Variants in DOCK3 observed in about 807,000 individuals in gnomAD.
DOCK3 encodes the protein dedicator of cytokinesis 3.
In DOCK3, 60 loss-of-function variants were observed where a neutral mutation model predicts 265.6. The ratio of observed to expected loss-of-function variants is 0.23; its 90% CI spans 0.18 to 0.28. The LOEUF (loss-of-function observed/expected upper bound fraction) is 0.28, where lower values mean the gene tolerates loss of function less well. Ranked by LOEUF, DOCK3 falls within the 10% of genes least tolerant of loss-of-function variation. DOCK3 has a pLI of 1.00. For missense variants in DOCK3, 1,981 were observed against 2,594.3 expected, an observed-to-expected ratio of 0.76 and a Z score of 5.14; for synonymous variants, 881 against 938.0, an observed-to-expected ratio of 0.94 and a Z score of 1.11.
intron 22 of DOCK3, among the ~76,000 whole-genome samples, chr3:51,248,980 G>C (rs1273832655): frequency 2.0e-5 from 3 of 149,762 alleles, no homozygotes; most frequent in Non-Finnish European, 4.5e-5. Context: ...GAGAAGTGAG[G>C]AGCCTCTCCG....
At chr3:51,274,558 G>T (rs761647294) in intron 24 of DOCK3, among the ~76,000 whole-genome samples, 1 of 152,062 alleles carries the variant, frequency 6.6e-6, no homozygotes, top group Non-Finnish European at 1.5e-5. Flanking sequence ...AGGGAGGATC[G>T]CTTGAGCCCA....
chr3:50,884,754 T>A lies in DOCK3; in HGVS notation c.163-5272T>A, dbSNP rs1332290658. Among the ~76,000 whole-genome samples the A allele has an allele frequency of 5.3e-5, 8 of 152,126 alleles. No individual in the cohort carries two copies. The East Asian group carries it at 1.4e-3, about 26-fold the overall frequency. On this transcript the variant is annotated intron_variant, in intron 3 of 52. Coordinates refer to ENST00000266037, the MANE Select transcript of DOCK3 (RefSeq NM_004947.5). ...ACATTTCAAATTAGACTTTTTTTTT[T>A]AAAGAGTTTTAGGTTTCCAAAAACA...
chr3:51,179,504 C>T (rs1439568245), intron 12 of DOCK3, among the ~76,000 whole-genome samples: 1 of 152,142 alleles, frequency 6.6e-6, no homozygotes, highest in Non-Finnish European at 1.5e-5. Flanking sequence ...TATCATAGAT[C>T]TCCCTAGCTG....
chr3:51,318,148 G>A (rs1237535276), intron 32 of DOCK3, among the ~76,000 whole-genome samples: 2 of 152,138 alleles, frequency 1.3e-5, no homozygotes, highest in Non-Finnish European at 2.9e-5. Flanking sequence ...GGAGGCCAAG[G>A]CAGGTGGAAC....
intron 21 of DOCK3, among the ~76,000 whole-genome samples, chr3:51,245,390 CT>C (rs71084137): frequency 0.68 from 71,878 of 106,444 alleles, 22,565 homozygotes; most frequent in Middle Eastern, 0.79. Flanking sequence ...CATTTTCTTT[CT>C]TTTTTTTTTT....
chr3:51,028,041 T>C (rs2079893590), intron 5 of DOCK3, among the ~76,000 whole-genome samples: 1 of 152,224 alleles, frequency 6.6e-6, no homozygotes, highest in Non-Finnish European at 1.5e-5. Context: ...GTGGGTTTTG[T>C]ACCTTTTTGT....
chr3:50,895,381 GTTC>G (rs1228089925), intron 4 of DOCK3, among the ~76,000 whole-genome samples: 10 of 150,582 alleles, frequency 6.6e-5, no homozygotes, highest in Non-Finnish European at 1.0e-4. Flanking sequence ...TTCATTAGCT[GTTC>G]TTCTTCTTCT....
chr3:50,869,972 G>A (rs981375479), intron 3 of DOCK3, among the ~76,000 whole-genome samples: 3 of 151,932 alleles, frequency 2.0e-5, no homozygotes, highest in Non-Finnish European at 4.4e-5. Flanking sequence ...ATTCCATTGT[G>A]GTCAAAGAAG....
chr3:50,784,174 T>C (rs1229728045), intron 2 of DOCK3, among the ~76,000 whole-genome samples: 1 of 152,160 alleles, frequency 6.6e-6, no homozygotes, highest in Non-Finnish European at 1.5e-5. Flanking sequence ...ATCCTTGAGT[T>C]GATTTTTGTA....
chr3:51,021,076 C>T (rs760455816), intron 5 of DOCK3, among the ~76,000 whole-genome samples: 9 of 151,956 alleles, frequency 5.9e-5, no homozygotes, highest in Admixed American at 1.3e-4. Flanking sequence ...GCCATTTTCA[C>T]GATATTGATT....
intron 1 of DOCK3, among the ~76,000 whole-genome samples, chr3:50,775,209 A>G (rs1439053698): frequency 1.3e-5 from 2 of 152,000 alleles, no homozygotes; most frequent in African/African-American, 4.8e-5. Flanking sequence ...TATTTTTTTC[A>G]GATGTTTCGA....
In DOCK3 at chr3:51,291,532, A is replaced by G. The variant is rs147620108; in HGVS notation, c.2922+11328A>G. On this transcript the variant is annotated intron_variant, in intron 27 of 52. Transcript: ENST00000266037. ...GATAAATTCCTAGACACGTGTATCT[A>G]CTAAGACTTAATCATGAAGAGATTG... Among the ~76,000 whole-genome samples the G allele has an allele frequency of 1.1e-3, 172 of 152,304 alleles. 1 individual carries two copies. Among genetic ancestry groups the G allele is most frequent in the African/African-American group, 3.8e-3 (159 of 41,572 alleles).
intron 9 of DOCK3, among the ~76,000 whole-genome samples, chr3:51,094,875 GGATA>G (rs1484956882): frequency 6.6e-6 from 1 of 151,558 alleles, no homozygotes; most frequent in Admixed American, 6.6e-5. Context: ...TATATATTTA[GGATA>G]GTTAGCTCTT....
At chr3:50,832,429 T>G (rs1191614607) in intron 2 of DOCK3, among the ~76,000 whole-genome samples, 1 of 152,206 alleles carries the variant, frequency 6.6e-6, no homozygotes, top group Non-Finnish European at 1.5e-5. Flanking sequence ...ACAGGCAGCC[T>G]GCAGAATAGG....
intron 12 of DOCK3, among the ~76,000 whole-genome samples, chr3:51,164,466 CA>C (rs1246679408): frequency 6.6e-6 from 1 of 151,748 alleles, no homozygotes; most frequent in Non-Finnish European, 1.5e-5. Flanking sequence ...AGTAAAAATA[CA>C]AAAAAATTAG....
intron 3 of DOCK3, among the ~76,000 whole-genome samples, chr3:50,847,345 A>G (rs183167549): frequency 5.4e-4 from 82 of 152,310 alleles, no homozygotes; most frequent in Admixed American, 5.4e-3. Flanking sequence ...TATAGTTGGT[A>G]TGACTTCCAT....
At chr3:51,178,797 T>G (rs1355538345) in intron 12 of DOCK3, among the ~76,000 whole-genome samples, 2 of 152,200 alleles carry the variant, frequency 1.3e-5, no homozygotes, top group East Asian at 3.8e-4. Flanking sequence ...TAAAAAGATA[T>G]TTTCACTTGC....
intron 9 of DOCK3, among the ~76,000 whole-genome samples, chr3:51,128,864 A>G (rs1194827495): frequency 6.6e-6 from 1 of 152,204 alleles, no homozygotes; most frequent in Non-Finnish European, 1.5e-5. Context: ...CACCTCGTTC[A>G]TGGGTCCATT....
chr3:51,047,261 G>T (rs2080812162), intron 5 of DOCK3, among the ~76,000 whole-genome samples: 1 of 35,706 alleles, frequency 2.8e-5, no homozygotes, highest in Admixed American at 2.9e-4. Context: ...CTGTCATGAG[G>T]TTGGGGGAGG....
Sources: gnomAD v4.1 joint callset for allele counts (sites outside exome capture counted in the v4.1 genomes callset) on GRCh38, gnomAD v4.1.1 for gene constraint, MANE v1.5 for transcripts, NCBI Gene and HGNC (gene_info 2026-07-23, HGNC 2026-07-21) for gene names.